The following TNS3 variants were observed in gnomAD, a reference collection of about 807,000 sequenced individuals.
TNS3 encodes tensin-3.
A neutral mutation model predicts 140.9 loss-of-function variants in TNS3; 45 were observed. The ratio of observed to expected loss-of-function variants is 0.32; its 90% confidence interval spans 0.25 to 0.41. The LOEUF (loss-of-function observed/expected upper bound fraction) is 0.41. Among genes scored for constraint, TNS3 ranks in the 10% least tolerant of loss-of-function variants. The pLI, the probability that TNS3 is intolerant of heterozygous loss-of-function variation, is 1.00. For synonymous variants in TNS3, 815 were observed against 788.4 expected (o/e 1.03, Z -0.56); for missense variants, 1,716 against 1,906.7 (o/e 0.90, Z 1.86).
At chr7:47,361,007 G>A (rs1485974309) in intron 17 of TNS3, among the ~76,000 whole-genome samples, 3 of 151,736 alleles carry the variant, frequency 2.0e-5, no homozygotes, top group East Asian at 1.9e-4. Flanking sequence ...TGCTACGGGC[G>A]CAGGCGCTGG....
intron 16 of TNS3, among the ~76,000 whole-genome samples, chr7:47,389,083 A>AGAG (rs1187219144): frequency 2.1e-4 from 15 of 71,630 alleles, no homozygotes; most frequent in African/African-American, 1.2e-3. Context: ...AAGAAGAAGA[A>AGAG]GAGGAAGAGG....
chr7:47,560,833 C>T (rs1407975452), intron 1 of TNS3, among the ~76,000 whole-genome samples: 11 of 152,314 alleles, frequency 7.2e-5, no homozygotes, highest in Non-Finnish European at 1.5e-5. Flanking sequence ...CAGGCGCCAC[C>T]AGATCCATCT....
chr7:47,381,069 C>CA (rs1279337979), intron 16 of TNS3, among the ~76,000 whole-genome samples: 1 of 152,184 alleles, frequency 6.6e-6, no homozygotes, highest in Non-Finnish European at 1.5e-5. Context: ...ATTTGAACTC[C>CA]AGAGGCTGAA....
chr7:47,500,892 C>T (rs866696916), intron 3 of TNS3, among the ~76,000 whole-genome samples: 2 of 151,654 alleles, frequency 1.3e-5, no homozygotes, highest in Admixed American at 6.6e-5. Context: ...CCAGCCTGGC[C>T]AATATGGTGA....
chr7:47,364,703 T>C (rs1037602078), intron 17 of TNS3, among the ~76,000 whole-genome samples: 11 of 152,180 alleles, frequency 7.2e-5, no homozygotes, highest in African/African-American at 2.2e-4. Context: ...GCTTGGTGCT[T>C]ACCTAGCACA....
At chr7:47,311,010 A>T (rs893829470) in intron 20 of TNS3, among the ~76,000 whole-genome samples, 15 of 126,304 alleles carry the variant, frequency 1.2e-4, no homozygotes, top group African/African-American at 4.3e-4. Context: ...TGCTGTTGTG[A>T]ATAGTTCGCA....
chr7:47,475,367 G>T (rs961926731), intron 4 of TNS3, among the ~76,000 whole-genome samples: 1 of 152,260 alleles, frequency 6.6e-6, no homozygotes, highest in Non-Finnish European at 1.5e-5. Flanking sequence ...GGCCAAGCAA[G>T]AACAATCACA....
rs577950246 is a variant in TNS3 at position 47,346,554 on chromosome 7, A to G, written c.2282-198T>C. ...ATTCTCAGACTCTCAGGGATGAACAAGGCCACAGCCTTGGAAATGTGCAGC... is the reference window on the plus strand; with the variant it reads ...ATTCTCAGACTCTCAGGGATGAACAGGGCCACAGCCTTGGAAATGTGCAGC... On this transcript the variant is annotated intron_variant, in intron 17 of 30. Coordinates refer to ENST00000311160, the MANE Select transcript of TNS3 (RefSeq NM_022748.12). Among the ~76,000 whole-genome samples, 11 of 152,352 alleles carry G rather than the reference A, an allele frequency of 7.2e-5. No homozygotes were observed. In the East Asian group the frequency reaches 2.1e-3, roughly 29 times the overall value.
In TNS3 at chr7:47,407,024, C is replaced by T. The variant is rs553339624; in HGVS notation, c.723+4703G>A. ...TCAGAACACCCAGAAGAAGCATGAACGGGAGGAGGGGATGGCTCCCGCTCC... is the reference window on the plus strand; with the variant it reads ...TCAGAACACCCAGAAGAAGCATGAATGGGAGGAGGGGATGGCTCCCGCTCC... On this transcript the variant is annotated intron_variant, in intron 13 of 30. Transcript: ENST00000311160. The surrounding 1 kb of genome is among the most constrained non-coding windows in gnomAD (Gnocchi z 4.1). 4.2e-4 allele frequency among the ~76,000 whole-genome samples: 64 copies of T among 152,234 alleles called. No homozygotes were observed. The highest frequency in any genetic ancestry group is 1.4e-3 in the African/African-American group (60 of 41,518).
chr7:47,275,667 CTTCCT>C lies in TNS3; in HGVS notation c.*2404_*2408del. The C allele has an allele frequency of 2.6e-6, 1 of 386,222 alleles. No homozygotes were observed. The highest frequency in any genetic ancestry group is 5.1e-6 in the Non-Finnish European group (1 of 194,536). 23.9% of individuals were successfully genotyped at this position (386,222 alleles called of 1,614,324 possible). On this transcript the variant is annotated 3_prime_UTR_variant, in exon 31 of 31. Transcript: ENST00000311160. ...ATGTAACACAAAAGGAAGAAAGAAA[CTTCCT>C]ATACCAGCTCTTCAGAAATCGTGGA...
chr7:47,396,938 G>C, intron 15 of TNS3, 34 bp from the exon 16 acceptor site: 2 of 1,533,808 alleles, frequency 1.3e-6, no homozygotes, highest in Non-Finnish European at 1.8e-6. Context: ...ATTAGTCCCA[G>C]TGAAACCCAT....
At chr7:47,510,319 GC>G (rs1173718670) in intron 2 of TNS3, among the ~76,000 whole-genome samples, 1 of 152,150 alleles carries the variant, frequency 6.6e-6, no homozygotes, top group Non-Finnish European at 1.5e-5. Flanking sequence ...AAGCACACAG[GC>G]CCAGAAGACA....
At chr7:47,349,542 C>T (rs1259614848) in intron 17 of TNS3, among the ~76,000 whole-genome samples, 5 of 152,234 alleles carry the variant, frequency 3.3e-5, no homozygotes, top group African/African-American at 4.8e-5. Context: ...GCAGGGCCAC[C>T]GGGCCCTGGA....
At chr7:47,307,992 G>A (rs1450971141) in intron 20 of TNS3, among the ~76,000 whole-genome samples, 1 of 152,106 alleles carries the variant, frequency 6.6e-6, no homozygotes, top group Non-Finnish European at 1.5e-5. Context: ...AGTGTGTTTG[G>A]TGTTGTATCT....
chr7:47,571,827 G>A (rs1371211288), intron 1 of TNS3, among the ~76,000 whole-genome samples: 3 of 152,338 alleles, frequency 2.0e-5, no homozygotes, highest in Non-Finnish European at 2.9e-5. Context: ...TGCGTGTCTA[G>A]CCCTGTCAGC....
intron 1 of TNS3, among the ~76,000 whole-genome samples, chr7:47,564,635 C>CAAAAAA (rs749603752): frequency 0.084 from 2,494 of 29,846 alleles, 173 homozygotes; most frequent in East Asian, 0.19. Context: ...GACTCCGTCT[C>CAAAAAA]AAAAAAAAAA....
rs115404562 is a variant in TNS3 at position 47,511,638 on chromosome 7, T to C, written c.-152-4694A>G. Among the ~76,000 whole-genome samples, 839 of 152,008 alleles carry C rather than the reference T, an allele frequency of 5.5e-3. 11 individuals are homozygous for C. The highest frequency in any genetic ancestry group is 0.019 in the African/African-American group (781 of 41,532). On this transcript the variant is annotated intron_variant, in intron 2 of 30. Transcript: ENST00000311160. The stretch of plus-strand genomic sequence containing the variant: ...GGCAACCCCGTTCATTCTCCTTGCC[T>C]GAGGCTCTCAGAATGGGGTAAGGAC...
At chr7:47,389,271 T>C (rs1459738982) in intron 16 of TNS3, among the ~76,000 whole-genome samples, 1 of 152,142 alleles carries the variant, frequency 6.6e-6, no homozygotes, top group East Asian at 1.9e-4. Context: ...CCCGTCTGCA[T>C]GCACAGGACA....
chr7:47,288,170 T>C (rs1204329903), intron 27 of TNS3, among the ~76,000 whole-genome samples: 4 of 152,174 alleles, frequency 2.6e-5, no homozygotes, highest in Admixed American at 2.6e-4. Flanking sequence ...GCTGTGTCCC[T>C]GAGACAATAT....
Sources: allele counts gnomAD v4.1 joint callset (sites outside exome capture counted in the v4.1 genomes callset), GRCh38; gene constraint gnomAD v4.1.1; non-coding constraint Gnocchi (gnomAD v3.1); transcripts MANE v1.5; gene names NCBI Gene and HGNC (gene_info 2026-07-23, HGNC 2026-07-21).